Variants in PIP5K1C observed in about 807,000 individuals in gnomAD.
The protein encoded by PIP5K1C is phosphatidylinositol-4-phosphate 5-kinase type 1 gamma, also known as phosphatidylinositol 4-phosphate 5-kinase type-1 gamma.
PIP5K1C carries 45 observed loss-of-function variants against 80.1 expected under a neutral mutation model. The ratio of observed to expected loss-of-function variants is 0.56; its 90% CI spans 0.44 to 0.72. PIP5K1C has a LOEUF of 0.72. Ranked by LOEUF, PIP5K1C falls within the 30% of genes least tolerant of loss-of-function variation. PIP5K1C has a pLI of 0.00. For missense variants in PIP5K1C, 753 were observed against 954.6 expected (o/e 0.79, Z 2.78); for synonymous variants, 498 against 420.1 (o/e 1.19, Z -2.27).
At chr19:3,643,124 AC>A in intron 13 of PIP5K1C, 118 bp downstream of exon 13, 2 of 1,486,192 alleles carry the variant, frequency 1.3e-6, no homozygotes, top group African/African-American at 2.8e-5. Flanking sequence ...ATGTACATCC[AC>A]CGTACATACG....
In PIP5K1C at chr19:3,692,370, C is replaced by T. The variant is rs76627172; in HGVS notation, c.94+7927G>A. 0.016 allele frequency among the ~76,000 whole-genome samples: 2,454 copies of T among 152,284 alleles called. 34 individuals carry two copies. The highest frequency in any genetic ancestry group is 0.035 in the African/African-American group (1,452 of 41,548). ...CTACAGGGGCTCCTGGGGCCTCCCT[C>T]GCAGCTCGGCCATGCTGGGCCCCGG... On this transcript the variant is annotated intron_variant, in intron 1 of 17. Coordinates refer to ENST00000335312, the MANE Select transcript of PIP5K1C (RefSeq NM_012398.3). This position sits in a 1 kb window ranked among gnomAD's most constrained non-coding sequence, Gnocchi z 5.2.
At position 3,633,344 on chromosome 19, in the gene PIP5K1C, G is replaced by A. The variant is rs954513912; in HGVS notation, c.2004+93C>T. On this transcript the variant is annotated intron_variant, in intron 17 of 17. Coordinates refer to ENST00000335312, the MANE Select transcript of PIP5K1C (RefSeq NM_012398.3). The stretch of plus-strand genomic sequence containing the variant: ...GGCCACCTGTGCCCTCCCGCCCCGG[G>A]CCTCAGTCCCTGCCTATCCCAGTAG... 1.5e-5 allele frequency: 15 copies of A among 1,007,374 alleles called. No homozygotes were observed. In the African/African-American group the frequency reaches 2.3e-4, roughly 15 times the overall value. The allele number at this position is 1,007,374 out of a possible 1,614,324, so 62.4% of individuals were successfully genotyped here.
Position 3,633,085 on chromosome 19 carries a change from G to T in PIP5K1C, c.*82C>A. ...CGAGGCGGGCATCTCCCGAGCTCTG[G>T]GCCTCAGCGGGGTGGGCAGCGCCTT... On this transcript the variant is annotated 3_prime_UTR_variant, in exon 18 of 18. Coordinates refer to ENST00000335312, the MANE Select transcript of PIP5K1C (RefSeq NM_012398.3). The T allele has an allele frequency of 1.4e-6, 1 of 715,878 alleles. No individual in the cohort carries two copies. The highest frequency in any genetic ancestry group is 1.5e-5 in the South Asian group (1 of 67,316). 44.3% of individuals were successfully genotyped at this position (715,878 alleles called of 1,614,324 possible). A position where few individuals can be genotyped will look rare whatever the true frequency, so the allele number is the denominator to read the frequency against.
At chr19:3,645,237 A>T (rs190022914) in intron 11 of PIP5K1C, among the ~76,000 whole-genome samples, 3 of 152,100 alleles carry the variant, frequency 2.0e-5, no homozygotes, top group African/African-American at 7.2e-5. Context: ...GACACTTCCC[A>T]AGCATCTCTG....
chr19:3,668,761 G>A (rs945661424), intron 1 of PIP5K1C, among the ~76,000 whole-genome samples: 5 of 152,308 alleles, frequency 3.3e-5, no homozygotes, highest in Admixed American at 2.6e-4. Flanking sequence ...GGTGACAGGC[G>A]GGGTGCGGAT....
chr19:3,634,317 C>A (rs1273913834), intron 16 of PIP5K1C, among the ~76,000 whole-genome samples: 4 of 151,864 alleles, frequency 2.6e-5, no homozygotes, highest in African/African-American at 9.7e-5. Context: ...CCCCCTGCTT[C>A]TCCTGCCCCT....
chr19:3,651,620 C>T (rs2034453352), intron 8 of PIP5K1C, among the ~76,000 whole-genome samples: 1 of 152,256 alleles, frequency 6.6e-6, no homozygotes, highest in Non-Finnish European at 1.5e-5. Context: ...CAAGCCAAGG[C>T]CCGGAACCCT....
At chr19:3,693,114 G>A (rs2035994178) in intron 1 of PIP5K1C, among the ~76,000 whole-genome samples, 1 of 152,030 alleles carries the variant, frequency 6.6e-6, no homozygotes, top group African/African-American at 2.4e-5. Context: ...GAGTTCCTTA[G>A]GGGGCCTGGC....
At chr19:3,674,903 T>C (rs2035311859) in intron 1 of PIP5K1C, among the ~76,000 whole-genome samples, 2 of 152,212 alleles carry the variant, frequency 1.3e-5, no homozygotes, top group Admixed American at 6.5e-5. Flanking sequence ...TGTACATGGA[T>C]TATTCAGCCA....
rs773327685 is a variant in PIP5K1C, at chr19:3,662,040, C to T, written c.220-39G>A. 8.4e-6 allele frequency: 13 copies of T among 1,549,264 alleles called. No homozygotes were observed. In the South Asian group the frequency reaches 1.4e-4, roughly 17 times the overall value. On this transcript the variant is annotated intron_variant, in intron 3 of 17. Transcript: ENST00000335312. ...AGAGTGTCAGGGCCCCCGGCTGCTC[C>T]CCACGCTGCCCTGCACCCCCTGTGT... is the stretch of plus-strand genomic sequence containing the variant.
chr19:3,643,374 G>A lies in PIP5K1C; in HGVS notation c.1518C>T (p.Pro506=). The change falls in exon 13 of 18, where the codon CCC becomes CCT. Residue 506 remains proline (P), a synonymous_variant. Transcript: ENST00000335312. ...SYPTLEDEGR[P]DLLPCTPPSF... ...AAGGTGGCGTGCAGGGCAGGAGGTC[G>A]GGCCGGCCTGAGGGGAGAGGACTGT... The A allele has an allele frequency of 6.2e-7, 1 of 1,613,478 alleles. No individual in the cohort carries two copies. The highest frequency in any genetic ancestry group is 1.1e-5 in the South Asian group (1 of 91,088).
At chr19:3,643,003 G>A (rs1387016495) in intron 13 of PIP5K1C, 64 bp from the exon 14 acceptor site, 3 of 1,583,894 alleles carry the variant, frequency 1.9e-6, no homozygotes, top group Admixed American at 1.7e-5. Context: ...CAGTCTACCT[G>A]CCTTGCCTAC....
chr19:3,641,158 T>G (rs958661061), intron 15 of PIP5K1C, among the ~76,000 whole-genome samples: 1 of 151,906 alleles, frequency 6.6e-6, no homozygotes, highest in African/African-American at 2.4e-5. Flanking sequence ...GAGGCTGCAG[T>G]GAGCCAAGAT....
chr19:3,643,459 C>G (rs936964650), intron 12 of PIP5K1C, 78 bp from the exon 13 acceptor site: 7 of 1,575,268 alleles, frequency 4.4e-6, no homozygotes, highest in Non-Finnish European at 6.0e-6. Context: ...TGAGGCTTGG[C>G]TCACCCTGGG....
At chr19:3,673,489 G>A (rs944199310) in intron 1 of PIP5K1C, among the ~76,000 whole-genome samples, 4 of 152,332 alleles carry the variant, frequency 2.6e-5, no homozygotes, top group South Asian at 2.1e-4. Context: ...GAAAGGGGCG[G>A]CAGTGGGACC....
At chr19:3,644,559 G>A (rs1367570087) in intron 11 of PIP5K1C, among the ~76,000 whole-genome samples, 1 of 152,226 alleles carries the variant, frequency 6.6e-6, no homozygotes, top group Admixed American at 6.5e-5. Context: ...GGCCAGGGAT[G>A]CCTGCAGGCT....
rs986589197 is a variant in PIP5K1C, at chr19:3,630,998, G to T, written c.*2169C>A. On this transcript the variant is annotated 3_prime_UTR_variant, in exon 18 of 18. Transcript: ENST00000335312. ...GCCTCGGTTTACAGTTCTCTGAAAA[G>T]GAACCAAAAAACACAACCAACACCA... 6.6e-6 allele frequency: 1 copy of T among 152,272 alleles called. No individual in the cohort carries two copies. The highest frequency in any genetic ancestry group is 2.4e-5 in the African/African-American group (1 of 41,436). The allele number at this position is 152,272 out of a possible 1,614,324, so 9.4% of individuals were successfully genotyped here.
chr19:3,678,996 A>AGGGATGGT (rs1467511302), intron 1 of PIP5K1C, among the ~76,000 whole-genome samples: 2 of 150,272 alleles, frequency 1.3e-5, no homozygotes, highest in Non-Finnish European at 3.0e-5. Flanking sequence ...GGAGGGATGG[A>AGGGATGGT]GGGATGGTGG....
chr19:3,691,913 G>A (rs1455770180), intron 1 of PIP5K1C, among the ~76,000 whole-genome samples: 1 of 152,190 alleles, frequency 6.6e-6, no homozygotes, highest in African/African-American at 2.4e-5. Context: ...CGCCAAGCCA[G>A]GCTGGCTCAT....
Sources: gnomAD v4.1 joint callset for allele counts (sites outside exome capture counted in the v4.1 genomes callset) on GRCh38, gnomAD v4.1.1 for gene constraint, Gnocchi (gnomAD v3.1) non-coding constraint, MANE v1.5 for transcripts, NCBI Gene and HGNC (gene_info 2026-07-23, HGNC 2026-07-21) for gene names.